Variants in ANK3 observed in about 807,000 individuals in gnomAD.
ANK3 encodes ankyrin 3, also known as ankyrin-3.
Under a neutral mutation model 370.9 loss-of-function variants are expected in ANK3, and 57 were observed. The observed-to-expected ratio is 0.15, with a 90% CI of 0.12 to 0.19. The LOEUF (loss-of-function observed/expected upper bound fraction) is 0.19, where lower values mean the gene tolerates loss of function less well. Among genes scored for constraint, ANK3 ranks in the 10% least tolerant of loss-of-function variants. ANK3 has a pLI of 1.00. For synonymous variants in ANK3, 1,929 were observed against 1,946.3 expected (o/e 0.99, Z 0.23); for missense variants, 4,439 against 5,302.1 (o/e 0.84, Z 5.06).
chr10:60,135,075 A>T (rs898708423), intron 24 of ANK3, among the ~76,000 whole-genome samples: 1 of 152,216 alleles, frequency 6.6e-6, no homozygotes, highest in African/African-American at 2.4e-5. Context: ...AGGTACCCTG[A>T]TGCCCTGATA....
intron 28 of ANK3, among the ~76,000 whole-genome samples, chr10:60,095,675 C>T (rs2089978717): frequency 6.6e-6 from 1 of 152,084 alleles, no homozygotes; most frequent in African/African-American, 2.4e-5. Flanking sequence ...AGCCGCTGTG[C>T]CTGGCCTAGT....
At chr10:60,521,661 T>C (rs965071600) in intron 2 of ANK3, among the ~76,000 whole-genome samples, 2 of 152,172 alleles carry the variant, frequency 1.3e-5, no homozygotes, top group African/African-American at 4.8e-5. Flanking sequence ...CTAGTCATTT[T>C]AATGTTTTAC....
intron 2 of ANK3, among the ~76,000 whole-genome samples, chr10:60,456,562 T>C (rs2064752894): frequency 6.6e-6 from 1 of 152,162 alleles, no homozygotes; most frequent in South Asian, 2.1e-4. Context: ...CGAATGAGAC[T>C]GCAACTGCCA....
intron 7 of ANK3, among the ~76,000 whole-genome samples, chr10:60,245,025 C>T (rs1022158478): frequency 1.4e-4 from 21 of 152,162 alleles, no homozygotes; most frequent in African/African-American, 4.8e-4. Flanking sequence ...AAAAATTAGC[C>T]GGGCGTGGTA....
intron 28 of ANK3, among the ~76,000 whole-genome samples, chr10:60,104,097 G>T (rs1820068215): frequency 6.6e-6 from 1 of 152,108 alleles, no homozygotes; most frequent in African/African-American, 2.4e-5. Context: ...GGTAGGAGGA[G>T]TGAGAGGATC....
At chr10:60,700,091 T>C (rs74155698) in intron 1 of ANK3, among the ~76,000 whole-genome samples, 8,320 of 152,226 alleles carry the variant, frequency 0.055, 330 homozygotes, top group African/African-American at 0.095. Flanking sequence ...CCCAGTCAGC[T>C]TCTGGGGACT....
At chr10:60,039,766 C>T (rs2075778203) in intron 43 of ANK3, among the ~76,000 whole-genome samples, 1 of 151,914 alleles carries the variant, frequency 6.6e-6, no homozygotes, top group African/African-American at 2.4e-5. Flanking sequence ...TTGGGGATTT[C>T]CTAAGGTTAT....
intron 2 of ANK3, among the ~76,000 whole-genome samples, chr10:60,472,847 A>G (rs1418014476): frequency 2.6e-5 from 4 of 152,166 alleles, no homozygotes; most frequent in Non-Finnish European, 4.4e-5. Context: ...TGAGATTTTA[A>G]ACTTATACAA....
chr10:60,175,718 C>T (rs2095913878), intron 18 of ANK3, among the ~76,000 whole-genome samples: 1 of 152,066 alleles, frequency 6.6e-6, no homozygotes, highest in Non-Finnish European at 1.5e-5. Flanking sequence ...CTGATGAGAA[C>T]GGGGGAAGGA....
chr10:60,658,870 G>A (rs1347423633), intron 1 of ANK3, among the ~76,000 whole-genome samples: 2 of 149,828 alleles, frequency 1.3e-5, no homozygotes, highest in South Asian at 2.1e-4. Flanking sequence ...AGGTGAAGAG[G>A]TGAGAAAGAA....
At chr10:60,477,146 G>C (rs1013836287) in intron 2 of ANK3, among the ~76,000 whole-genome samples, 4 of 152,176 alleles carry the variant, frequency 2.6e-5, no homozygotes, top group Admixed American at 6.5e-5. Flanking sequence ...AGTGGGGAGA[G>C]AGTGAAAGGG....
At position 60,026,699 on chromosome 10, in the gene ANK3, A is replaced by G. The variant is rs1245466614; in HGVS notation, c.*3147T>C. 3 of 152,246 alleles carry G rather than the reference A, an allele frequency of 2.0e-5. No individual in the cohort carries two copies. The highest frequency in any genetic ancestry group is 7.2e-5 in the African/African-American group (3 of 41,472). 9.4% of individuals were successfully genotyped at this position (152,246 alleles called of 1,614,324 possible). A position where few individuals can be genotyped will look rare whatever the true frequency, so the allele number is the denominator to read the frequency against. On this transcript the variant is annotated 3_prime_UTR_variant, in exon 44 of 44. Transcript: ENST00000280772. ...ACAGAGGAAAGGAGGCTAGCTGCTT[A>G]TGTGTTCAATGAAGTAATAGATGCC... is the stretch of plus-strand genomic sequence containing the variant.
At chr10:60,180,626 C>CAAAAAAAAAAAAAACAT (rs1565506436) in intron 18 of ANK3, among the ~76,000 whole-genome samples, 1 of 119,280 alleles carries the variant, frequency 8.4e-6, no homozygotes, top group Non-Finnish European at 1.7e-5. Context: ...AAAAAAAAAA[C>CAAAAAAAAAAAAAACAT]ATGTTAGAGT....
upstream of ANK3, among the ~76,000 whole-genome samples, chr10:60,390,422 C>T (rs1376860812): frequency 6.6e-6 from 1 of 152,112 alleles, no homozygotes; most frequent in Non-Finnish European, 1.5e-5. Context: ...GTGCTGTAAT[C>T]AGTGTTTCTG....
chr10:60,637,468 A>C (rs1393737789), intron 1 of ANK3, among the ~76,000 whole-genome samples: 5 of 152,220 alleles, frequency 3.3e-5, no homozygotes, highest in Non-Finnish European at 4.4e-5. Context: ...TCTAGAAAGT[A>C]TTTAGCAATA....
At chr10:60,326,100 G>C (rs1202740383) in intron 1 of ANK3, among the ~76,000 whole-genome samples, 1 of 152,062 alleles carries the variant, frequency 6.6e-6, no homozygotes, top group Non-Finnish European at 1.5e-5. Flanking sequence ...GCACAGAGAG[G>C]GGAACAACAG....
At chr10:60,141,325 C>T (rs954420259) in intron 23 of ANK3, among the ~76,000 whole-genome samples, 1 of 151,904 alleles carries the variant, frequency 6.6e-6, no homozygotes, top group Non-Finnish European at 1.5e-5. Flanking sequence ...TCGAGAGGTC[C>T]CTGGAGGAAG....
chr10:60,676,330 T>C (rs1368679737), intron 1 of ANK3, among the ~76,000 whole-genome samples: 1 of 152,190 alleles, frequency 6.6e-6, no homozygotes, highest in Non-Finnish European at 1.5e-5. Flanking sequence ...CATATGTCCG[T>C]TAAATTTTAA....
At chr10:60,193,199 C>G (rs775832949) in intron 16 of ANK3, among the ~76,000 whole-genome samples, 2 of 152,086 alleles carry the variant, frequency 1.3e-5, no homozygotes, top group African/African-American at 4.8e-5. Flanking sequence ...TAAAAATATG[C>G]CTGAGGCTAA....
Sources: allele counts gnomAD v4.1 joint callset (sites outside exome capture counted in the v4.1 genomes callset), GRCh38; gene constraint gnomAD v4.1.1; transcripts MANE v1.5; gene names NCBI Gene and HGNC (gene_info 2026-07-23, HGNC 2026-07-21).